Variants in GABRB1 observed in about 807,000 individuals in gnomAD.
GABRB1 encodes the protein gamma-aminobutyric acid receptor subunit beta-1.
In GABRB1, 17 loss-of-function variants were observed where a neutral mutation model predicts 51.6. The ratio of observed to expected loss-of-function variants is 0.33; its 90% CI spans 0.23 to 0.49. The LOEUF (loss-of-function observed/expected upper bound fraction) is 0.49, where lower values mean the gene tolerates loss of function less well. Ranked by LOEUF, GABRB1 falls within the 20% of genes least tolerant of loss-of-function variation. The pLI is 0.99. For missense variants in GABRB1, 410 were observed against 600.6 expected (o/e 0.68, Z 3.32); for synonymous variants, 247 against 218.9 (o/e 1.13, Z -1.14).
At chr4:47,373,010 T>C (rs920278732) in intron 5 of GABRB1, among the ~76,000 whole-genome samples, 2 of 152,088 alleles carry the variant, frequency 1.3e-5, no homozygotes, top group Non-Finnish European at 2.9e-5. Flanking sequence ...TCTTAGAGGG[T>C]CCACATGTCC....
intron 4 of GABRB1, among the ~76,000 whole-genome samples, chr4:47,248,310 G>A (rs1376821871): frequency 2.0e-5 from 3 of 152,018 alleles, no homozygotes. Flanking sequence ...TGTCAATGTG[G>A]TGTATCACAT....
chr4:47,176,699 A>G (rs1249774025), intron 4 of GABRB1, among the ~76,000 whole-genome samples: 1 of 152,066 alleles, frequency 6.6e-6, no homozygotes, highest in Non-Finnish European at 1.5e-5. Flanking sequence ...CAATGTCAAG[A>G]AAAAGGAGAA....
intron 3 of GABRB1, among the ~76,000 whole-genome samples, chr4:47,119,817 G>A (rs1235030686): frequency 6.6e-6 from 1 of 151,902 alleles, no homozygotes; most frequent in East Asian, 1.9e-4. Flanking sequence ...CATTTTTAAA[G>A]GGTGTATAAA....
intron 5 of GABRB1, among the ~76,000 whole-genome samples, chr4:47,378,082 G>C (rs373231578): frequency 8.8e-4 from 134 of 152,332 alleles, no homozygotes; most frequent in Non-Finnish European, 1.5e-3. Flanking sequence ...ACTGGGCGCC[G>C]TAGAGCAGGG....
intron 5 of GABRB1, among the ~76,000 whole-genome samples, chr4:47,376,092 C>T (rs1727365372): frequency 6.6e-6 from 1 of 152,158 alleles, no homozygotes; most frequent in Admixed American, 6.5e-5. Flanking sequence ...CATCCTCAGT[C>T]ATTAAACCAA....
chr4:47,296,814 C>A (rs1724019158), intron 4 of GABRB1, among the ~76,000 whole-genome samples: 1 of 152,148 alleles, frequency 6.6e-6, no homozygotes, highest in Admixed American at 6.6e-5. Flanking sequence ...ACATTTTTTT[C>A]AGCACCACAC....
intron 3 of GABRB1, among the ~76,000 whole-genome samples, chr4:47,112,172 T>C (rs1015489199): frequency 1.3e-5 from 2 of 151,980 alleles, no homozygotes; most frequent in Non-Finnish European, 2.9e-5. Context: ...TGTTTTTGTA[T>C]TTTTAGTAGA....
chr4:47,337,529 A>G (rs936530196), intron 5 of GABRB1, among the ~76,000 whole-genome samples: 1 of 152,020 alleles, frequency 6.6e-6, no homozygotes, highest in Non-Finnish European at 1.5e-5. Context: ...ATCTGGCCGG[A>G]CACAGTGGCT....
At chr4:47,085,870 A>G (rs998122969) in intron 3 of GABRB1, among the ~76,000 whole-genome samples, 10 of 152,184 alleles carry the variant, frequency 6.6e-5, no homozygotes, top group Non-Finnish European at 1.2e-4. Flanking sequence ...AGGTAATCCA[A>G]GGTCCCAAGA....
intron 3 of GABRB1, among the ~76,000 whole-genome samples, chr4:47,156,504 G>T (rs1717704587): frequency 6.6e-6 from 1 of 151,924 alleles, no homozygotes. Context: ...AACCAAAACT[G>T]TTTTCAGTCA....
At chr4:47,035,956 C>A (rs1725538810) in intron 3 of GABRB1, among the ~76,000 whole-genome samples, 1 of 152,144 alleles carries the variant, frequency 6.6e-6, no homozygotes, top group African/African-American at 2.4e-5. Flanking sequence ...CCAGGCAGCT[C>A]TCTGTACCTA....
chr4:47,251,477 G>A (rs1311620758), intron 4 of GABRB1, among the ~76,000 whole-genome samples: 1 of 152,166 alleles, frequency 6.6e-6, no homozygotes, highest in East Asian at 1.9e-4. Flanking sequence ...ATTATGGAGA[G>A]GAACTGGAGG....
At chr4:47,052,637 G>C (rs1454212846) in intron 3 of GABRB1, among the ~76,000 whole-genome samples, 2 of 152,174 alleles carry the variant, frequency 1.3e-5, no homozygotes, top group South Asian at 4.1e-4. Context: ...GATCAATGCT[G>C]TAAATTTCTC....
At chr4:47,417,962 CACTCAT>C (rs1728981921) in intron 8 of GABRB1, among the ~76,000 whole-genome samples, 1 of 152,150 alleles carries the variant, frequency 6.6e-6, no homozygotes, top group Non-Finnish European at 1.5e-5. Context: ...CAGCCTAAGG[CACTCAT>C]TGAGAATGTT....
intron 3 of GABRB1, among the ~76,000 whole-genome samples, chr4:47,111,615 G>C (rs1401377698): frequency 6.6e-6 from 1 of 152,050 alleles, no homozygotes; most frequent in Non-Finnish European, 1.5e-5. Context: ...TCTAATCCCA[G>C]AACTTTGGGA....
intron 4 of GABRB1, among the ~76,000 whole-genome samples, chr4:47,189,014 G>A (rs1212224405): frequency 6.6e-6 from 1 of 151,956 alleles, no homozygotes; most frequent in Non-Finnish European, 1.5e-5. Context: ...ATAGAGTCTG[G>A]GAAAGAAATA....
chr4:47,241,380 C>T (rs1721513750), intron 4 of GABRB1, among the ~76,000 whole-genome samples: 1 of 152,116 alleles, frequency 6.6e-6, no homozygotes, highest in South Asian at 2.1e-4. Flanking sequence ...TGTGTGTTAG[C>T]ACTGACTAAC....
chr4:47,150,736 GGATA>G (rs1299939341), intron 3 of GABRB1, among the ~76,000 whole-genome samples: 1 of 151,770 alleles, frequency 6.6e-6, no homozygotes, highest in South Asian at 2.1e-4. Flanking sequence ...AAAGGAAGTA[GGATA>G]GAGGAGGAGA....
intron 5 of GABRB1, among the ~76,000 whole-genome samples, chr4:47,348,416 C>T (rs1726183287): frequency 6.6e-6 from 1 of 152,114 alleles, no homozygotes; most frequent in South Asian, 2.1e-4. Context: ...TCTGATGGTT[C>T]AATGTATATC....
Sources: allele counts gnomAD v4.1 joint callset (sites outside exome capture counted in the v4.1 genomes callset), GRCh38; gene constraint gnomAD v4.1.1; transcripts MANE v1.5; gene names NCBI Gene and HGNC (gene_info 2026-07-23, HGNC 2026-07-21).